ERICH6B: variants seen among roughly 807,000 people sequenced by gnomAD.
ERICH6B encodes the protein glutamate rich 6B.
ERICH6B carries 69 observed loss-of-function variants against 80.0 expected under a neutral mutation model. That is an observed-to-expected ratio of 0.86 (90% CI 0.71 to 1.05). The LOEUF (loss-of-function observed/expected upper bound fraction) is 1.05, where lower values mean the gene tolerates loss of function less well. ERICH6B is among the 50% of genes least tolerant of loss of function. ERICH6B has a pLI of 0.00. For missense variants in ERICH6B, 754 were observed against 796.1 expected, an observed-to-expected ratio of 0.95 and a Z score of 0.64; for synonymous variants, 283 against 291.9, an observed-to-expected ratio of 0.97 and a Z score of 0.31.
intron 9 of ERICH6B, among the ~76,000 whole-genome samples, chr13:45,565,011 T>G (rs747428622): frequency 7.2e-5 from 11 of 152,184 alleles, no homozygotes; most frequent in Non-Finnish European, 1.2e-4. Context: ...ACATAGTAGG[T>G]GCACATGAAA....
intron 1 of ERICH6B, among the ~76,000 whole-genome samples, chr13:45,614,269 G>C (rs1002113631): frequency 1.1e-4 from 16 of 152,174 alleles, no homozygotes; most frequent in Middle Eastern, 3.4e-3. Context: ...AAGTCACCTC[G>C]TCTGGGAAGA....
intron 10 of ERICH6B, among the ~76,000 whole-genome samples, chr13:45,562,474 T>G (rs1417516054): frequency 6.6e-6 from 1 of 152,218 alleles, no homozygotes; most frequent in African/African-American, 2.4e-5. Flanking sequence ...ACAAGCCTAG[T>G]GGCTTTTGAT....
At chr13:45,552,813 T>C (rs2137965300) in intron 11 of ERICH6B, 1 of 158,710 alleles carries the variant, frequency 6.3e-6, no homozygotes, top group African/African-American at 2.4e-5. Context: ...GGAGATTCTG[T>C]TGGATGAGTC....
intron 11 of ERICH6B, among the ~76,000 whole-genome samples, chr13:45,553,322 G>A (rs1227835341): frequency 6.6e-6 from 1 of 152,146 alleles, no homozygotes; most frequent in African/African-American, 2.4e-5. Context: ...ATCTAGGGGT[G>A]GAGGGTTGGG....
At chr13:45,606,539 A>ATT (rs1566307881) in intron 2 of ERICH6B, among the ~76,000 whole-genome samples, 4 of 11,444 alleles carry the variant, frequency 3.5e-4, no homozygotes, top group Non-Finnish European at 8.7e-4. Context: ...ATATATATAT[A>ATT]TATATATATT....
At chr13:45,568,655 T>C (rs1875026143) in intron 8 of ERICH6B, among the ~76,000 whole-genome samples, 1 of 152,216 alleles carries the variant, frequency 6.6e-6, no homozygotes, top group Admixed American at 6.5e-5. Flanking sequence ...GGTGATGGGC[T>C]GATCTGTGCA....
intron 11 of ERICH6B, among the ~76,000 whole-genome samples, chr13:45,558,664 T>A (rs1277652865): frequency 6.6e-6 from 1 of 152,184 alleles, no homozygotes; most frequent in Non-Finnish European, 1.5e-5. Context: ...TTTTGTTGAG[T>A]GCTTTTTCTG....
chr13:45,602,688 T>C (rs1199971145), intron 2 of ERICH6B, among the ~76,000 whole-genome samples: 1 of 152,188 alleles, frequency 6.6e-6, no homozygotes, highest in African/African-American at 2.4e-5. Context: ...TCCCCAGACC[T>C]CTCAGCCCTT....
chr13:45,580,562 A>C lies in ERICH6B; in HGVS notation c.919+41T>G, dbSNP rs543331852. The C allele has an allele frequency of 1.2e-4, 181 of 1,544,310 alleles. 1 individual carries two copies. The East Asian group carries it at 4.1e-3, about 35-fold the overall frequency. ...CTTCTTACCTTCTCTGGGATGGATG[A>C]CTAACTTCTACAGATCATTTAAAAT... On this transcript the variant is annotated intron_variant, in intron 6 of 14. Coordinates refer to ENST00000298738, the MANE Select transcript of ERICH6B (RefSeq NM_182542.3).
chr13:45,576,714 G>T (rs749460050), intron 7 of ERICH6B, among the ~76,000 whole-genome samples: 2 of 150,032 alleles, frequency 1.3e-5, no homozygotes, highest in Non-Finnish European at 3.0e-5. Context: ...TATTTTAGTA[G>T]TTTTTTTTTT....
chr13:45,571,402 A>C (rs1181770842), intron 8 of ERICH6B, among the ~76,000 whole-genome samples: 1 of 152,020 alleles, frequency 6.6e-6, no homozygotes, highest in Admixed American at 6.6e-5. Flanking sequence ...CTTGCTTACC[A>C]AAAACTATTC....
intron 10 of ERICH6B, among the ~76,000 whole-genome samples, 196 bp from the exon 11 acceptor site, chr13:45,561,722 A>G (rs1168384081): frequency 6.6e-6 from 1 of 152,168 alleles, no homozygotes; most frequent in Non-Finnish European, 1.5e-5. Flanking sequence ...CTGACATTCC[A>G]GCTCACTCTG....
intron 8 of ERICH6B, among the ~76,000 whole-genome samples, chr13:45,569,078 A>G (rs1384202173): frequency 6.6e-6 from 1 of 152,034 alleles, no homozygotes; most frequent in Admixed American, 6.6e-5. Flanking sequence ...GCATCACTGT[A>G]TTGGGCAGTT....
intron 11 of ERICH6B, among the ~76,000 whole-genome samples, chr13:45,558,767 T>A (rs1874541984): frequency 6.6e-6 from 1 of 152,250 alleles, no homozygotes; most frequent in African/African-American, 2.4e-5. Flanking sequence ...CATTCCTGCA[T>A]CCCTGGTATG....
In ERICH6B at chr13:45,575,883, A is replaced by C. The variant is rs78221573; in HGVS notation, c.962-953T>G. Among the ~76,000 whole-genome samples, 1,144 of 152,284 alleles carry C rather than the reference A, an allele frequency of 7.5e-3. 14 individuals carry two copies. The highest frequency in any genetic ancestry group is 0.026 in the African/African-American group (1,065 of 41,564). Reference sequence around the variant, plus strand: ...GGAAGGTGATTCTGAGAGAAGAACTAGGAGGAAGTGGCTCTGGCATGATAA... The same window carrying C: ...GGAAGGTGATTCTGAGAGAAGAACTCGGAGGAAGTGGCTCTGGCATGATAA... On this transcript the variant is annotated intron_variant, in intron 7 of 14. Coordinates refer to ENST00000298738, the MANE Select transcript of ERICH6B (RefSeq NM_182542.3).
rs1452218030 is a variant in ERICH6B at position 45,579,932 on chromosome 13, C to T, written c.961+1G>A. 6.4e-7 allele frequency: 1 copy of T among 1,551,840 alleles called. No individual in the cohort carries two copies. The highest frequency in any genetic ancestry group is 8.7e-7 in the Non-Finnish European group (1 of 1,146,960). Reference sequence around the variant, plus strand: ...TTGGATGCATTATGTCAGATGCTCACCATTTTCTTCCTTTTTTTGCTGTAC... The same window carrying T: ...TTGGATGCATTATGTCAGATGCTCATCATTTTCTTCCTTTTTTTGCTGTAC... On this transcript the variant is annotated splice_donor_variant, in intron 7 of 14. Coordinates refer to ENST00000298738, the MANE Select transcript of ERICH6B (RefSeq NM_182542.3). LOFTEE classifies it high-confidence loss of function.
At chr13:45,604,979 C>T (rs1006778037) in intron 2 of ERICH6B, among the ~76,000 whole-genome samples, 1 of 152,172 alleles carries the variant, frequency 6.6e-6, no homozygotes, top group Admixed American at 6.5e-5. Flanking sequence ...CTACAGGCTG[C>T]TGGCTGGGCC....
intron 1 of ERICH6B, among the ~76,000 whole-genome samples, chr13:45,609,935 C>T (rs1227405041): frequency 6.6e-6 from 1 of 152,210 alleles, no homozygotes; most frequent in Non-Finnish European, 1.5e-5. Context: ...CTTCAAGATG[C>T]TCATAAAAAT....
At chr13:45,604,233 C>G (rs1387489606) in intron 2 of ERICH6B, among the ~76,000 whole-genome samples, 4 of 152,250 alleles carry the variant, frequency 2.6e-5, no homozygotes, top group Admixed American at 2.6e-4. Context: ...GCTCCTGCCC[C>G]TCTAACCAGG....
Sources: gnomAD v4.1 joint callset for allele counts (sites outside exome capture counted in the v4.1 genomes callset) on GRCh38, gnomAD v4.1.1 for gene constraint, MANE v1.5 for transcripts, NCBI Gene and HGNC (gene_info 2026-07-23, HGNC 2026-07-21) for gene names.